Variants in CCDC15 observed in about 807,000 individuals in gnomAD.
CCDC15 encodes coiled-coil domain-containing protein 15.
CCDC15 carries 105 observed loss-of-function variants against 114.5 expected under a neutral mutation model. The ratio of observed to expected loss-of-function variants is 0.92; its 90% confidence interval spans 0.78 to 1.08. The LOEUF (loss-of-function observed/expected upper bound fraction) is 1.08. Among genes scored for constraint, CCDC15 ranks in the 50% least tolerant of loss-of-function variants. CCDC15 has a pLI of 0.00. For synonymous variants in CCDC15, 334 were observed against 377.8 expected (o/e 0.88, Z 1.34); for missense variants, 1,105 against 1,093.6 (o/e 1.01, Z -0.15).
At chr11:124,973,353 A>AT (rs551840016) in intron 4 of CCDC15, among the ~76,000 whole-genome samples, 9,897 of 144,422 alleles carry the variant, frequency 0.069, 372 homozygotes, top group African/African-American at 0.12. Context: ...TCATGGGGCT[A>AT]TTTTTTTTTT....
intron 13 of CCDC15, among the ~76,000 whole-genome samples, chr11:125,023,762 A>G (rs764029444): frequency 2.0e-5 from 3 of 152,072 alleles, no homozygotes; most frequent in Non-Finnish European, 2.9e-5. Context: ...ATGAATGGAA[A>G]CATAACGTGT....
At chr11:124,964,880 C>T (rs1338325068) in intron 4 of CCDC15, among the ~76,000 whole-genome samples, 1 of 152,140 alleles carries the variant, frequency 6.6e-6, no homozygotes, top group Admixed American at 6.6e-5. Flanking sequence ...AAGGCCTTTT[C>T]TGCATCTATT....
intron 4 of CCDC15, 43 bp from the exon 5 acceptor site, chr11:124,975,053 C>A: frequency 7.6e-7 from 1 of 1,309,986 alleles, no homozygotes; most frequent in South Asian, 1.4e-5. Context: ...GGAATTAAAA[C>A]TTATCCTGCT....
At chr11:125,039,121 T>C in intron 15 of CCDC15, 52 bp downstream of exon 15, 2 of 1,487,820 alleles carry the variant, frequency 1.3e-6, no homozygotes, top group South Asian at 1.3e-5. Flanking sequence ...GAAAAATAAA[T>C]AAGAGTAGTG....
At chr11:124,993,306 G>T (rs1948303340) in intron 11 of CCDC15, 63 bp downstream of exon 11, 1 of 1,078,078 alleles carries the variant, frequency 9.3e-7, no homozygotes, top group Non-Finnish European at 1.4e-6. Context: ...AATATAGTGA[G>T]TAAGTAACAG....
In CCDC15 at chr11:124,975,193, GCTTT is replaced by G; in HGVS notation, c.618_621del (p.Phe206LeufsTer16). Reference sequence around the variant, plus strand: ...GTGTTTCCAGATGATGGAAGGAAAAGCTTTCTTACCAGAGAGGTAAATTAATTTC... The same window carrying G: ...GTGTTTCCAGATGATGGAAGGAAAAGCTTACCAGAGAGGTAAATTAATTTC... On this transcript the variant is annotated frameshift_variant, in exon 5 of 16. Coordinates refer to ENST00000344762, the MANE Select transcript of CCDC15 (RefSeq NM_025004.3). LOFTEE classifies it high-confidence loss of function. 6.3e-7 allele frequency: 1 copy of G among 1,582,368 alleles called. No individual in the cohort carries two copies. Among genetic ancestry groups the G allele is most frequent in the Non-Finnish European group, 8.6e-7 (1 of 1,166,170 alleles).
chr11:125,014,932 T>C (rs953565959), intron 13 of CCDC15, among the ~76,000 whole-genome samples: 10 of 152,208 alleles, frequency 6.6e-5, no homozygotes, highest in African/African-American at 2.4e-4. Flanking sequence ...ATCTTACTTT[T>C]GGTTATTTTT....
Position 124,975,209 on chromosome 11 carries a change from G to C in CCDC15, c.630G>C (p.Glu210Asp). ...DDGRKSFLTREEVLSRKPAST... is the reference protein window; with the variant it reads ...DDGRKSFLTRDEVLSRKPAST... ...GAAGGAAAAGCTTTCTTACCAGAGA[G>C]GTAAATTAATTTCTAATACATGATT... Residue 210 changes from glutamate (E) to aspartate (D), a missense_variant and splice_region_variant, in exon 5 of 16, where the codon GAG (glutamate) becomes GAC (aspartate). By Grantham distance (45) the Glu-to-Asp change is conservative. Transcript: ENST00000344762. 1 of 1,534,038 alleles carries C rather than the reference G, an allele frequency of 6.5e-7. No individual in the cohort carries two copies. Among genetic ancestry groups the C allele is most frequent in the South Asian group, 1.2e-5 (1 of 81,382 alleles).
At chr11:125,029,954 A>G (rs1278321001) in intron 13 of CCDC15, among the ~76,000 whole-genome samples, 1 of 152,192 alleles carries the variant, frequency 6.6e-6, no homozygotes, top group African/African-American at 2.4e-5. Context: ...CCCAGCCAAC[A>G]CTGTATCTCC....
At chr11:124,954,700 A>T in intron 1 of CCDC15, 24 bp from the exon 2 acceptor site, 1 of 1,607,470 alleles carries the variant, frequency 6.2e-7, no homozygotes, top group Non-Finnish European at 8.5e-7. Flanking sequence ...TGAAGATTTT[A>T]AGCTTTTTCT....
At chr11:124,975,451 G>T (rs1433104295) in intron 5 of CCDC15, among the ~76,000 whole-genome samples, 1 of 152,086 alleles carries the variant, frequency 6.6e-6, no homozygotes, top group Non-Finnish European at 1.5e-5. Flanking sequence ...AAAAAAGTTG[G>T]ATATGAAATT....
At chr11:124,999,629 A>G (rs1422675632) in intron 11 of CCDC15, among the ~76,000 whole-genome samples, 1 of 151,576 alleles carries the variant, frequency 6.6e-6, no homozygotes, top group East Asian at 1.9e-4. Flanking sequence ...CATTTTTTTA[A>G]TAGTTTTTAT....
intron 14 of CCDC15, 147 bp from the exon 15 acceptor site, chr11:125,038,774 C>G: frequency 8.5e-7 from 1 of 1,181,730 alleles, no homozygotes; most frequent in South Asian, 1.6e-5. Context: ...TTGGGTGTAG[C>G]CCTGCGTTTT....
intron 6 of CCDC15, among the ~76,000 whole-genome samples, chr11:124,980,608 A>T (rs1948056648): frequency 1.3e-5 from 2 of 152,290 alleles, no homozygotes; most frequent in Non-Finnish European, 1.5e-5. Context: ...CTGTGAGGCC[A>T]GTGGTAATGT....
At chr11:124,974,045 T>A (rs1201728902) in intron 4 of CCDC15, among the ~76,000 whole-genome samples, 1 of 152,072 alleles carries the variant, frequency 6.6e-6, no homozygotes, top group African/African-American at 2.4e-5. Context: ...CGCTATCTCG[T>A]CTCACTGCAG....
At chr11:124,963,242 A>G (rs974445627) in intron 4 of CCDC15, among the ~76,000 whole-genome samples, 27 of 152,166 alleles carry the variant, frequency 1.8e-4, no homozygotes, top group African/African-American at 6.3e-4. Flanking sequence ...GGTTGAACTA[A>G]TTTACAGTCC....
intron 6 of CCDC15, among the ~76,000 whole-genome samples, chr11:124,982,206 T>C (rs1339175417): frequency 3.9e-5 from 6 of 152,216 alleles, no homozygotes; most frequent in Admixed American, 6.5e-5. Flanking sequence ...ATGAGTCTCT[T>C]GTAGACAGCA....
intron 12 of CCDC15, 25 bp downstream of exon 12, chr11:125,003,984 TC>T: frequency 8.6e-7 from 1 of 1,157,916 alleles, no homozygotes; most frequent in African/African-American, 1.6e-5. Context: ...TGCTTTTGGA[TC>T]CCAATATTTC....
At chr11:125,013,442 A>G (rs1948608942) in intron 13 of CCDC15, among the ~76,000 whole-genome samples, 2 of 152,214 alleles carry the variant, frequency 1.3e-5, no homozygotes, top group South Asian at 2.1e-4. Flanking sequence ...GCAGCTGCAT[A>G]TAGAATAATC....
Sources: allele counts gnomAD v4.1 joint callset (sites outside exome capture counted in the v4.1 genomes callset), GRCh38; gene constraint gnomAD v4.1.1; transcripts MANE v1.5; gene names NCBI Gene and HGNC (gene_info 2026-07-23, HGNC 2026-07-21).